The following DLGAP2 variants were observed in gnomAD, a reference collection of about 807,000 sequenced individuals.
The protein encoded by DLGAP2 is DLG associated protein 2, also known as disks large-associated protein 2.
In DLGAP2, 26 loss-of-function variants were observed where a neutral mutation model predicts 100.3. The observed-to-expected ratio is 0.26, with a 90% CI of 0.19 to 0.36. DLGAP2 has a LOEUF of 0.36. Ranked by LOEUF, DLGAP2 falls within the 10% of genes least tolerant of loss-of-function variation. DLGAP2 has a pLI of 1.00. For synonymous variants in DLGAP2, 886 were observed against 630.1 expected (o/e 1.41, Z -6.08); for missense variants, 1,858 against 1,453.2 (o/e 1.28, Z -4.53).
rs534475860 is a variant in DLGAP2 at position 1,155,575 on chromosome 8, C to G, written c.74-103276C>G. On this transcript the variant is annotated intron_variant, in intron 2 of 14. Transcript: ENST00000637795. Reference sequence around the variant, plus strand: ...TGATGTGTGATGTGTGGTGCAGGCTCGCAGGTTGCAGGGTAGCCCCAGCTC... The same window carrying G: ...TGATGTGTGATGTGTGGTGCAGGCTGGCAGGTTGCAGGGTAGCCCCAGCTC... 3.4e-5 allele frequency among the ~76,000 whole-genome samples: 5 copies of G among 149,154 alleles called. No homozygotes were observed. The East Asian group carries it at 9.7e-4, about 29-fold the overall frequency.
At chr8:1,486,374 C>G (rs940739963) in intron 3 of DLGAP2, among the ~76,000 whole-genome samples, 7 of 152,192 alleles carry the variant, frequency 4.6e-5, no homozygotes, top group African/African-American at 1.7e-4. Flanking sequence ...AATCTCGGCT[C>G]CTGGAGGCTG....
At chr8:1,199,002 G>T (rs1797812415) in intron 2 of DLGAP2, among the ~76,000 whole-genome samples, 1 of 152,224 alleles carries the variant, frequency 6.6e-6, no homozygotes, top group Admixed American at 6.5e-5. Flanking sequence ...AGTTTCAGCT[G>T]CTCCTTAAAA....
intron 10 of DLGAP2, among the ~76,000 whole-genome samples, chr8:1,673,169 C>T (rs1442893920): frequency 6.6e-6 from 1 of 152,182 alleles, no homozygotes; most frequent in African/African-American, 2.4e-5. Context: ...GTGGTGCAAT[C>T]AATCACAGCT....
chr8:1,491,934 G>C (rs60703740), intron 3 of DLGAP2, among the ~76,000 whole-genome samples: 6,108 of 152,286 alleles, frequency 0.04, 397 homozygotes, highest in African/African-American at 0.14. Flanking sequence ...GCTCCGGAGC[G>C]GGACGCGAGG....
Position 1,149,436 on chromosome 8 carries a change from C to T in DLGAP2, c.74-109415C>T, listed in dbSNP as rs549614860. ...TGCTGGGATTACAGGCACCAGCCAC[C>T]GCGCCTGGCCTGAAATTACCCTCTT... is the stretch of plus-strand genomic sequence containing the variant. On this transcript the variant is annotated intron_variant, in intron 2 of 14. Transcript: ENST00000637795. Among the ~76,000 whole-genome samples the T allele has an allele frequency of 7.2e-5, 11 of 152,228 alleles. No homozygotes were observed. In the East Asian group the frequency reaches 1.7e-3, roughly 24 times the overall value.
chr8:831,228 T>C (rs1465006632), intron 1 of DLGAP2, among the ~76,000 whole-genome samples: 1 of 128,174 alleles, frequency 7.8e-6, no homozygotes, highest in Non-Finnish European at 1.7e-5. Flanking sequence ...TTTTTTTTTT[T>C]AATACTTTAA....
intron 5 of DLGAP2, among the ~76,000 whole-genome samples, chr8:1,565,032 T>C (rs934854883): frequency 6.6e-6 from 1 of 152,060 alleles, no homozygotes; most frequent in African/African-American, 2.4e-5. Context: ...GGCAGACGTA[T>C]AACACGCACA....
chr8:1,465,130 G>C (rs928339444), intron 3 of DLGAP2, among the ~76,000 whole-genome samples: 1 of 152,236 alleles, frequency 6.6e-6, no homozygotes, highest in African/African-American at 2.4e-5. Flanking sequence ...CAGGGGGAGG[G>C]CTGGGTCCCC....
chr8:831,279 AG>A (rs979857142), intron 1 of DLGAP2, among the ~76,000 whole-genome samples: 1 of 148,204 alleles, frequency 6.7e-6, no homozygotes, highest in Non-Finnish European at 1.5e-5. Flanking sequence ...TTTGTTACAT[AG>A]GTATATACAT....
intron 2 of DLGAP2, among the ~76,000 whole-genome samples, chr8:1,207,875 T>C (rs544881999): frequency 5.3e-5 from 8 of 152,312 alleles, no homozygotes; most frequent in Admixed American, 2.6e-4. Context: ...TCTTTTGAGA[T>C]TTGCCTATTC....
At chr8:904,191 C>T (rs1162050409) in intron 1 of DLGAP2, among the ~76,000 whole-genome samples, 2 of 152,230 alleles carry the variant, frequency 1.3e-5, no homozygotes, top group Non-Finnish European at 2.9e-5. Context: ...ACCGGGCACC[C>T]AGATTTCAGG....
At chr8:1,126,173 A>G (rs2167502) in intron 2 of DLGAP2, among the ~76,000 whole-genome samples, 141,238 of 152,256 alleles carry the variant, frequency 0.93, 65,624 homozygotes, top group Middle Eastern at 0.96. Flanking sequence ...CAGATGGGCC[A>G]CCTGCTCCAC....
intron 2 of DLGAP2, among the ~76,000 whole-genome samples, chr8:930,132 T>C (rs1327899934): frequency 6.6e-6 from 1 of 152,152 alleles, no homozygotes; most frequent in East Asian, 1.9e-4. Context: ...CTGGCGACCC[T>C]GGCCTCTCCT....
chr8:815,708 G>C lies in DLGAP2; in HGVS notation c.18+77883G>C, dbSNP rs116484981. On this transcript the variant is annotated intron_variant, in intron 1 of 14. Transcript: ENST00000637795. ...GAATGTCTTGAATTCTATCCCTAAT[G>C]TGCCTATCGTTTGATATTGAGGGCA... Among the ~76,000 whole-genome samples the C allele has an allele frequency of 5.6e-3, 860 of 152,252 alleles. 8 individuals are homozygous for C. Among genetic ancestry groups the C allele is most frequent in the African/African-American group, 0.019 (807 of 41,546 alleles).
intron 1 of DLGAP2, among the ~76,000 whole-genome samples, chr8:795,688 CA>C: frequency 6.7e-6 from 1 of 150,106 alleles, no homozygotes; most frequent in Non-Finnish European, 1.5e-5. Context: ...AACAGGCGTC[CA>C]GTGAGAGCAG....
chr8:957,324 G>A (rs1179258882), intron 2 of DLGAP2, among the ~76,000 whole-genome samples: 3 of 152,210 alleles, frequency 2.0e-5, no homozygotes, highest in African/African-American at 4.8e-5. Flanking sequence ...AAACCCAAGG[G>A]TGCATTCCAT....
intron 5 of DLGAP2, among the ~76,000 whole-genome samples, chr8:1,560,199 T>C (rs895226872): frequency 1.3e-5 from 2 of 152,240 alleles, no homozygotes; most frequent in African/African-American, 4.8e-5. Context: ...TCACATCTTC[T>C]GGCTGCTTCT....
intron 2 of DLGAP2, among the ~76,000 whole-genome samples, chr8:1,144,364 T>C (rs577326959): frequency 7.9e-4 from 121 of 152,334 alleles, no homozygotes; most frequent in African/African-American, 2.8e-3. Flanking sequence ...TAAAGTTTAG[T>C]GGAATTGTGC....
At chr8:831,207 CTTTTTTTT>C (rs59545503) in intron 1 of DLGAP2, among the ~76,000 whole-genome samples, 3 of 127,666 alleles carry the variant, frequency 2.3e-5, no homozygotes, top group Admixed American at 8.1e-5. Context: ...CCAGCAGTCA[CTTTTTTTT>C]TTTTTTTTTT....
Sources: allele counts gnomAD v4.1 joint callset (sites outside exome capture counted in the v4.1 genomes callset), GRCh38; gene constraint gnomAD v4.1.1; transcripts MANE v1.5; gene names NCBI Gene and HGNC (gene_info 2026-07-23, HGNC 2026-07-21).